The following SORCS3 variants were observed in gnomAD, a reference collection of about 807,000 sequenced individuals.
SORCS3 encodes VPS10 domain-containing receptor SorCS3.
Under a neutral mutation model 146.3 loss-of-function variants are expected in SORCS3, and 57 were observed. That is an observed-to-expected ratio of 0.39 (90% confidence interval 0.31 to 0.49). The LOEUF is 0.49. Ranked by LOEUF, SORCS3 falls within the 20% of genes least tolerant of loss-of-function variation. SORCS3 has a pLI of 0.92. For synonymous variants in SORCS3, 653 were observed against 618.5 expected (o/e 1.06, Z -0.83); for missense variants, 1,341 against 1,575.5 (o/e 0.85, Z 2.52).
At chr10:105,178,255 G>C in intron 14 of SORCS3, 82 bp downstream of exon 14, 2 of 1,117,410 alleles carry the variant, frequency 1.8e-6, no homozygotes, top group South Asian at 3.1e-5. Context: ...TTTTCCCAGG[G>C]AACCCTACAC....
At chr10:105,026,319 G>T (rs2055230627) in intron 4 of SORCS3, among the ~76,000 whole-genome samples, 1 of 152,174 alleles carries the variant, frequency 6.6e-6, no homozygotes, top group Non-Finnish European at 1.5e-5. Context: ...CCACTCTGTG[G>T]GTTCCCCACT....
At chr10:104,995,485 T>C (rs1481574900) in intron 4 of SORCS3, among the ~76,000 whole-genome samples, 1 of 152,290 alleles carries the variant, frequency 6.6e-6, no homozygotes, top group Middle Eastern at 3.4e-3. Flanking sequence ...TAGATGTGTA[T>C]TGGTAGCTCA....
At chr10:104,807,893 C>T (rs1401722636) in intron 1 of SORCS3, among the ~76,000 whole-genome samples, 1 of 152,144 alleles carries the variant, frequency 6.6e-6, no homozygotes, top group Non-Finnish European at 1.5e-5. Context: ...GGAAGGCCTG[C>T]CTCTGCCATG....
At chr10:104,961,492 A>G (rs2054796031) in intron 3 of SORCS3, among the ~76,000 whole-genome samples, 1 of 152,140 alleles carries the variant, frequency 6.6e-6, no homozygotes, top group Admixed American at 6.6e-5. Flanking sequence ...ATTTTTTTGA[A>G]TTATGAAACT....
At chr10:105,033,976 C>T (rs1461003993) in intron 4 of SORCS3, among the ~76,000 whole-genome samples, 1 of 152,068 alleles carries the variant, frequency 6.6e-6, no homozygotes, top group African/African-American at 2.4e-5. Context: ...GTTCATTCAG[C>T]AAATAGTCAT....
In SORCS3 at chr10:105,157,287, C is replaced by A; in HGVS notation, c.1629+3C>A. 1 of 1,613,730 alleles carries A rather than the reference C, an allele frequency of 6.2e-7. No homozygotes were observed. Among genetic ancestry groups the A allele is most frequent in the South Asian group, 1.1e-5 (1 of 91,018 alleles). On this transcript the variant is annotated splice_donor_region_variant and intron_variant, in intron 10 of 26. Coordinates refer to ENST00000369701, the MANE Select transcript of SORCS3 (RefSeq NM_014978.3). ...GAAGCCCAGTGCACTGCCTGCTGGT[C>A]AGTCACTCAGCCTCATGGGAAGTTC...
At chr10:104,897,972 C>T (rs936412227) in intron 2 of SORCS3, among the ~76,000 whole-genome samples, 4 of 152,330 alleles carry the variant, frequency 2.6e-5, no homozygotes, top group Admixed American at 2.0e-4. Flanking sequence ...AGCGTTAAAT[C>T]TCCATGATTG....
rs185731361 is a variant in SORCS3, at chr10:105,005,535, G to T, written c.954+28042G>T. Among the ~76,000 whole-genome samples the T allele has an allele frequency of 9.0e-3, 1,368 of 152,174 alleles. 24 individuals are homozygous for T. The highest frequency in any genetic ancestry group is 0.031 in the African/African-American group (1,293 of 41,520). On this transcript the variant is annotated intron_variant, in intron 4 of 26. Transcript: ENST00000369701. The stretch of plus-strand genomic sequence containing the variant: ...GCTAGCCAGTGAAGTGTTCAGTAGT[G>T]GGGGGAGGAGGAATAATAGCAGGGG...
Position 105,035,621 on chromosome 10 carries a change from C to A in SORCS3, c.955-7434C>A, listed in dbSNP as rs372342470. On this transcript the variant is annotated intron_variant, in intron 4 of 26. Transcript: ENST00000369701. ...TAGCTGGGACTACAGGTGCCCGCCA[C>A]CAGGCCTGGCTAATTTTTGTATTTT... is the stretch of plus-strand genomic sequence containing the variant. Among the ~76,000 whole-genome samples the A allele has an allele frequency of 2.6e-5, 4 of 151,906 alleles. No individual in the cohort carries two copies. In the East Asian group the frequency reaches 7.8e-4, roughly 29 times the overall value.
chr10:105,163,631 G>A (rs1293946568), intron 11 of SORCS3, among the ~76,000 whole-genome samples: 1 of 152,098 alleles, frequency 6.6e-6, no homozygotes, highest in Non-Finnish European at 1.5e-5. Flanking sequence ...GAGTGCCAGG[G>A]GAAGAAAAAG....
At chr10:104,647,851 G>T (rs2015513103) in intron 1 of SORCS3, among the ~76,000 whole-genome samples, 2 of 152,228 alleles carry the variant, frequency 1.3e-5, no homozygotes, top group Non-Finnish European at 2.9e-5. Context: ...ATAAGGACTA[G>T]TTAACAATCC....
intron 1 of SORCS3, among the ~76,000 whole-genome samples, chr10:104,746,525 G>A (rs11594644): frequency 0.15 from 22,560 of 152,276 alleles, 2,106 homozygotes; most frequent in Middle Eastern, 0.29. Context: ...AAAAGCATTT[G>A]AAATCTATTT....
chr10:104,843,003 G>A, intron 2 of SORCS3, 144 bp downstream of exon 2: 1 of 672,034 alleles, frequency 1.5e-6, no homozygotes, highest in Non-Finnish European at 2.6e-6. Context: ...GGGTGGAACT[G>A]ATGGCCCCCA....
chr10:104,949,136 A>T (rs2019402794), intron 3 of SORCS3, among the ~76,000 whole-genome samples: 1 of 152,146 alleles, frequency 6.6e-6, no homozygotes, highest in Admixed American at 6.5e-5. Flanking sequence ...AATAGGTCCC[A>T]TCAGCACACA....
At chr10:105,164,582 G>C (rs771914883) in intron 12 of SORCS3, among the ~76,000 whole-genome samples, 3 of 152,218 alleles carry the variant, frequency 2.0e-5, no homozygotes, top group African/African-American at 2.4e-5. Flanking sequence ...GGAATAGGAG[G>C]AACTGGAATT....
chr10:104,917,030 G>A (rs976410365), intron 3 of SORCS3, among the ~76,000 whole-genome samples: 1 of 152,140 alleles, frequency 6.6e-6, no homozygotes, highest in Non-Finnish European at 1.5e-5. Context: ...CACCTCTAGT[G>A]CCCCTAAGTA....
intron 1 of SORCS3, among the ~76,000 whole-genome samples, chr10:104,730,755 A>C (rs1156298588): frequency 6.6e-6 from 1 of 152,258 alleles, no homozygotes; most frequent in African/African-American, 2.4e-5. Context: ...CAGGGCAGGC[A>C]GGAGAGATAA....
chr10:104,654,516 A>G (rs2015600950), intron 1 of SORCS3, among the ~76,000 whole-genome samples: 1 of 152,118 alleles, frequency 6.6e-6, no homozygotes, highest in Admixed American at 6.5e-5. Context: ...GTGAGATGAT[A>G]TGTTATTGTA....
At chr10:104,664,108 T>C (rs554121555) in intron 1 of SORCS3, among the ~76,000 whole-genome samples, 3 of 152,216 alleles carry the variant, frequency 2.0e-5, no homozygotes, top group Admixed American at 2.0e-4. Flanking sequence ...GAGGGCTGGC[T>C]AAGGGTAGGC....
Sources: allele counts gnomAD v4.1 joint callset (sites outside exome capture counted in the v4.1 genomes callset), GRCh38; gene constraint gnomAD v4.1.1; transcripts MANE v1.5; gene names NCBI Gene and HGNC (gene_info 2026-07-23, HGNC 2026-07-21).